The following KITLG variants were observed in gnomAD, a reference collection of about 807,000 sequenced individuals.
KITLG encodes the protein KIT ligand, also known as c-Kit ligand.
In KITLG, 13 loss-of-function variants were observed where a neutral mutation model predicts 34.1. That is an observed-to-expected ratio of 0.38 (90% CI 0.25 to 0.61). The LOEUF is 0.61. Ranked by LOEUF, KITLG falls within the 20% of genes least tolerant of loss-of-function variation. The pLI is 0.60. For missense variants in KITLG, 292 were observed against 318.9 expected (o/e 0.92, Z 0.64); for synonymous variants, 110 against 104.0 (o/e 1.06, Z -0.35).
At chr12:88,516,990 T>C (rs1266750225) in intron 4 of KITLG, among the ~76,000 whole-genome samples, 2 of 151,924 alleles carry the variant, frequency 1.3e-5, no homozygotes, top group Non-Finnish European at 2.9e-5. Context: ...AAGTTAGACA[T>C]GTGACCATCC....
chr12:88,548,734 C>T (rs1410761301), intron 1 of KITLG, among the ~76,000 whole-genome samples: 1 of 152,126 alleles, frequency 6.6e-6, no homozygotes, highest in Non-Finnish European at 1.5e-5. Flanking sequence ...ATGACATATG[C>T]TTGTAATAAA....
Position 88,579,346 on chromosome 12 carries a change from T to C in KITLG, c.15+918A>G, listed in dbSNP as rs559527068. Among the ~76,000 whole-genome samples the C allele has an allele frequency of 1.3e-4, 20 of 151,890 alleles. No individual in the cohort carries two copies. The South Asian group carries it at 4.2e-3, about 32-fold the overall frequency. ...TTAGCCAACCGCGGCAGATAACACA[T>C]AACAATTTCTAAGGGGGAAAGTGAG... is the stretch of plus-strand genomic sequence containing the variant. On this transcript the variant is annotated intron_variant, in intron 1 of 9. Transcript: ENST00000644744.
chr12:88,572,595 TTA>T (rs58146008), intron 1 of KITLG, among the ~76,000 whole-genome samples: 2,367 of 134,884 alleles, frequency 0.018, 34 homozygotes, highest in African/African-American at 0.036. Context: ...ATATACATTA[TTA>T]TATATATATA....
chr12:88,557,098 G>C (rs144572580), intron 1 of KITLG, among the ~76,000 whole-genome samples: 1 of 152,098 alleles, frequency 6.6e-6, no homozygotes, highest in Non-Finnish European at 1.5e-5. Flanking sequence ...AGTTCACTTC[G>C]GTCTTGGTAG....
chr12:88,546,765 T>C (rs1391979340), intron 1 of KITLG, among the ~76,000 whole-genome samples: 1 of 152,180 alleles, frequency 6.6e-6, no homozygotes, highest in Non-Finnish European at 1.5e-5. Flanking sequence ...TTATTGAATA[T>C]ATATTATGCA....
intron 9 of KITLG, among the ~76,000 whole-genome samples, chr12:88,499,582 G>C (rs1174221431): frequency 6.6e-6 from 1 of 152,062 alleles, no homozygotes; most frequent in Non-Finnish European, 1.5e-5. Flanking sequence ...AGGCCTGACT[G>C]TTATCTGAAG....
In KITLG at chr12:88,569,773, CCAA is replaced by C. The variant is rs539206580; in HGVS notation, c.15+10488_15+10490del. On this transcript the variant is annotated intron_variant, in intron 1 of 9. Transcript: ENST00000644744. ...TTGAGATGATGCCAGGACTTTTTAG[CCAA>C]CATTTTCATTTGTACTAAACTGCTA... Among the ~76,000 whole-genome samples, 60 of 152,216 alleles carry C rather than the reference CCAA, an allele frequency of 3.9e-4. No individual in the cohort carries two copies. The East Asian group carries it at 7.5e-3, about 19-fold the overall frequency.
chr12:88,523,633 T>C (rs1008571498), intron 3 of KITLG, among the ~76,000 whole-genome samples: 5 of 152,216 alleles, frequency 3.3e-5, no homozygotes, highest in Non-Finnish European at 5.9e-5. Context: ...TTTTGGTTTT[T>C]TTCGTTGTGG....
Position 88,515,348 on chromosome 12 carries a change from CATT to C in KITLG, c.604+183_604+185del, listed in dbSNP as rs568519383. ...AAATTTATTGGCCTAATTCTCTAAA[CATT>C]ATCTCCAGCTCTAGGGAAATTTAAT... is the stretch of plus-strand genomic sequence containing the variant. On this transcript the variant is annotated intron_variant, in intron 6 of 9. Coordinates refer to ENST00000644744, the MANE Select transcript of KITLG (RefSeq NM_000899.5). Among the ~76,000 whole-genome samples the C allele has an allele frequency of 2.8e-4, 42 of 151,922 alleles. No homozygotes were observed. In the South Asian group the frequency reaches 8.5e-3, roughly 31 times the overall value.
intron 2 of KITLG, among the ~76,000 whole-genome samples, chr12:88,543,146 T>A (rs1002379090): frequency 1.3e-5 from 2 of 152,164 alleles, no homozygotes; most frequent in Non-Finnish European, 2.9e-5. Context: ...AGTTCTAGGG[T>A]ACATGTGCAC....
chr12:88,499,116 G>A (rs1868757114), intron 9 of KITLG, among the ~76,000 whole-genome samples: 1 of 151,972 alleles, frequency 6.6e-6, no homozygotes, highest in Non-Finnish European at 1.5e-5. Context: ...AAAAACCAGG[G>A]TTTAAAAGAC....
Position 88,516,455 on chromosome 12 carries a change from C to T in KITLG, c.399G>A (p.Arg133=), listed in dbSNP as rs374842503. The T allele has an allele frequency of 5.6e-6, 9 of 1,605,782 alleles. No homozygotes were observed. In the African/African-American group the frequency reaches 9.4e-5, roughly 17 times the overall value. Residue 133 remains arginine, a synonymous_variant, in exon 5 of 10, where the codon AGG becomes AGA. Coordinates refer to ENST00000644744, the MANE Select transcript of KITLG (RefSeq NM_000899.5). The part of the protein sequence containing the change: ...LKKSFKSPEP[R]LFTPEEFFRI... ...TAAAGAATTCTTCAGGAGTAAAGAG[C>T]CTGGGTTCTGGGCTCTTGAATGATT...
intron 2 of KITLG, among the ~76,000 whole-genome samples, chr12:88,539,866 A>G (rs547112801): frequency 5.9e-5 from 9 of 152,178 alleles, no homozygotes; most frequent in African/African-American, 1.7e-4. Flanking sequence ...TTGAGGCTCC[A>G]GTGAGCCATG....
chr12:88,495,364 C>G lies in KITLG; in HGVS notation c.*1855G>C, dbSNP rs1345861611. The G allele has an allele frequency of 6.6e-6, 1 of 152,064 alleles. No homozygotes were observed. The highest frequency in any genetic ancestry group is 2.4e-5 in the African/African-American group (1 of 41,412). 9.4% of individuals were successfully genotyped at this position (152,064 alleles called of 1,614,324 possible). On this transcript the variant is annotated 3_prime_UTR_variant, in exon 10 of 10. Transcript: ENST00000644744. ...TCTATTTTCCTGAAAACAGTCAATG[C>G]CACACACTGAGACAGGACCTATCAG... is the stretch of plus-strand genomic sequence containing the variant.
intron 1 of KITLG, among the ~76,000 whole-genome samples, chr12:88,568,198 C>T (rs1871509960): frequency 6.6e-6 from 1 of 152,156 alleles, no homozygotes; most frequent in Non-Finnish European, 1.5e-5. Flanking sequence ...GATGTGTCTG[C>T]TGGCATAATC....
At chr12:88,514,902 T>C (rs1869403799) in intron 6 of KITLG, among the ~76,000 whole-genome samples, 1 of 151,766 alleles carries the variant, frequency 6.6e-6, no homozygotes, top group East Asian at 1.9e-4. Context: ...CTAGAGAGTA[T>C]TTAGTAAATA....
At chr12:88,508,730 C>A (rs1169697198) in intron 6 of KITLG, among the ~76,000 whole-genome samples, 1 of 152,092 alleles carries the variant, frequency 6.6e-6, no homozygotes, top group Non-Finnish European at 1.5e-5. Context: ...CCTATAGCCC[C>A]ATGGGAGATA....
chr12:88,576,001 C>T (rs1032599921), intron 1 of KITLG, among the ~76,000 whole-genome samples: 6 of 152,050 alleles, frequency 3.9e-5, no homozygotes, highest in Non-Finnish European at 5.9e-5. Context: ...CTCAGAAAAG[C>T]AAGTGCGAGA....
chr12:88,499,203 T>C (rs1868759286), intron 9 of KITLG, among the ~76,000 whole-genome samples: 2 of 152,126 alleles, frequency 1.3e-5, no homozygotes, highest in Non-Finnish European at 2.9e-5. Flanking sequence ...CCTAATCCTT[T>C]CTAATCATCT....
Sources: gnomAD v4.1 joint callset for allele counts (sites outside exome capture counted in the v4.1 genomes callset) on GRCh38, gnomAD v4.1.1 for gene constraint, MANE v1.5 for transcripts, NCBI Gene and HGNC (gene_info 2026-07-23, HGNC 2026-07-21) for gene names.